LEKR1: variants seen among roughly 807,000 people sequenced by gnomAD.
The protein encoded by LEKR1 is protein LEKR1.
In LEKR1, 59 loss-of-function variants were observed where a neutral mutation model predicts 72.4. That is an observed-to-expected ratio of 0.82 (90% CI 0.66 to 1.01). LEKR1 has a LOEUF of 1.01. Ranked by LOEUF, LEKR1 falls within the 50% of genes least tolerant of loss-of-function variation. LEKR1 has a pLI of 0.00. For synonymous variants in LEKR1, 257 were observed against 263.2 expected, an observed-to-expected ratio of 0.98 and a Z score of 0.23; for missense variants, 728 against 759.2, an observed-to-expected ratio of 0.96 and a Z score of 0.48.
At chr3:156,827,557 G>A (rs981640672) in intron 1 of LEKR1, among the ~76,000 whole-genome samples, 1 of 152,238 alleles carries the variant, frequency 6.6e-6, no homozygotes, top group African/African-American at 2.4e-5. Context: ...CTCCTTGGCT[G>A]TATAAAAGAG....
At chr3:156,963,170 C>G (rs1234590202) in intron 6 of LEKR1, among the ~76,000 whole-genome samples, 1 of 152,146 alleles carries the variant, frequency 6.6e-6, no homozygotes, top group African/African-American at 2.4e-5. Flanking sequence ...TTATTAGGCA[C>G]CTGTCATAAG....
At position 157,024,940 on chromosome 3, in the gene LEKR1, G is replaced by C. The variant is rs1380967925; in HGVS notation, c.1368+16G>C. On this transcript the variant is annotated intron_variant, in intron 11 of 12. Coordinates refer to ENST00000356539, the MANE Select transcript of LEKR1 (RefSeq NM_001004316.3). Reference sequence around the variant, plus strand: ...ACAAATGAAGGTCTGTAATTATGATGTTCATCATTATTTAATAGATTTGAA... The same window carrying C: ...ACAAATGAAGGTCTGTAATTATGATCTTCATCATTATTTAATAGATTTGAA... 1 of 1,514,246 alleles carries C rather than the reference G, an allele frequency of 6.6e-7. No individual in the cohort carries two copies. Among genetic ancestry groups the C allele is most frequent in the South Asian group, 1.2e-5 (1 of 84,134 alleles). 93.8% of individuals were successfully genotyped at this position (1,514,246 alleles called of 1,614,324 possible).
chr3:156,857,633 A>G (rs899610616), intron 3 of LEKR1, among the ~76,000 whole-genome samples: 8 of 152,186 alleles, frequency 5.3e-5, no homozygotes, highest in African/African-American at 1.9e-4. Flanking sequence ...GTTTCCTTTG[A>G]AAATTATGTT....
intron 3 of LEKR1, among the ~76,000 whole-genome samples, chr3:156,884,670 T>C (rs2108554211): frequency 6.6e-6 from 1 of 152,372 alleles, no homozygotes; most frequent in Non-Finnish European, 1.5e-5. Flanking sequence ...TAGGTTTTTC[T>C]TTATAGGTTA....
At chr3:156,929,007 C>G (rs1204161101) in intron 5 of LEKR1, among the ~76,000 whole-genome samples, 1 of 151,722 alleles carries the variant, frequency 6.6e-6, no homozygotes, top group Non-Finnish European at 1.5e-5. Context: ...ATTAGCTAAC[C>G]AGGATTTCAA....
chr3:156,836,815 C>T (rs1713204041), intron 2 of LEKR1, among the ~76,000 whole-genome samples: 3 of 152,142 alleles, frequency 2.0e-5, no homozygotes. Context: ...TGGCAAAAGT[C>T]CCACAAGTAT....
chr3:156,844,596 T>C (rs1199323412), intron 2 of LEKR1, among the ~76,000 whole-genome samples: 3 of 152,178 alleles, frequency 2.0e-5, no homozygotes, highest in Non-Finnish European at 2.9e-5. Context: ...AGGAATGTTA[T>C]ATAAATGGAA....
intron 7 of LEKR1, among the ~76,000 whole-genome samples, chr3:156,987,487 G>A (rs1159205409): frequency 6.6e-6 from 1 of 152,186 alleles, no homozygotes; most frequent in Non-Finnish European, 1.5e-5. Flanking sequence ...TGGTAGGGCT[G>A]CTGAATCTCA....
chr3:156,995,849 T>A (rs1156276637), intron 9 of LEKR1, among the ~76,000 whole-genome samples: 4 of 152,100 alleles, frequency 2.6e-5, no homozygotes, highest in Admixed American at 6.6e-5. Context: ...AATAAATAAA[T>A]TTTTTAAAAA....
At chr3:156,947,044 A>T (rs1726747450) in intron 6 of LEKR1, among the ~76,000 whole-genome samples, 1 of 149,908 alleles carries the variant, frequency 6.7e-6, no homozygotes, top group Non-Finnish European at 1.5e-5. Context: ...AAGGTTTGTT[A>T]ATTTTATCTT....
rs1467739075 is a variant in LEKR1, at chr3:157,024,749, G to A, written c.1204-11G>A. ...AAATAGTTTTACATGTGCTTTAAAT[G>A]CCATTTCTAGATTGAAGCAGAACTT... On this transcript the variant is annotated splice_polypyrimidine_tract_variant and intron_variant, in intron 10 of 12. Transcript: ENST00000356539. The A allele has an allele frequency of 4.4e-6, 7 of 1,591,560 alleles. No individual in the cohort carries two copies. The highest frequency in any genetic ancestry group is 6.0e-6 in the Non-Finnish European group (7 of 1,172,806).
At chr3:157,002,356 A>T (rs921608273) in intron 9 of LEKR1, among the ~76,000 whole-genome samples, 2 of 151,994 alleles carry the variant, frequency 1.3e-5, no homozygotes, top group Admixed American at 1.3e-4. Context: ...TCAACACAAG[A>T]TTGTTTTCTC....
At chr3:156,864,644 A>G (rs907949134) in intron 3 of LEKR1, among the ~76,000 whole-genome samples, 23 of 152,084 alleles carry the variant, frequency 1.5e-4, no homozygotes, top group African/African-American at 5.6e-4. Flanking sequence ...AACATTTCAA[A>G]AAAAGTTCTA....
intron 6 of LEKR1, among the ~76,000 whole-genome samples, chr3:156,972,159 C>T (rs569410019): frequency 6.6e-6 from 1 of 152,114 alleles, no homozygotes; most frequent in South Asian, 2.1e-4. Flanking sequence ...TACTATGCAG[C>T]CATAAAAAAG....
intron 12 of LEKR1, among the ~76,000 whole-genome samples, chr3:157,030,389 A>C (rs1478543270): frequency 6.6e-6 from 1 of 152,192 alleles, no homozygotes; most frequent in African/African-American, 2.4e-5. Flanking sequence ...CACGTGTTAG[A>C]TAGGTACTGG....
chr3:157,034,955 G>A (rs1374678911), intron 12 of LEKR1, among the ~76,000 whole-genome samples: 1 of 152,136 alleles, frequency 6.6e-6, no homozygotes, highest in Non-Finnish European at 1.5e-5. Flanking sequence ...AATTGCTACT[G>A]CCATCCCAAC....
rs372688719 is a variant in LEKR1 at position 157,028,090 on chromosome 3, A to G, written c.1369-13A>G. The G allele has an allele frequency of 1.3e-6, 2 of 1,528,676 alleles. No homozygotes were observed. The highest frequency in any genetic ancestry group is 1.8e-6 in the Non-Finnish European group (2 of 1,135,754). The allele number at this position is 1,528,676 out of a possible 1,614,324, so 94.7% of individuals were successfully genotyped here. ...ACTATCGCCTACAAGCTAATATGAGATTTATCTTACAGATATCTGACTTAA... is the reference window on the plus strand; with the variant it reads ...ACTATCGCCTACAAGCTAATATGAGGTTTATCTTACAGATATCTGACTTAA... On this transcript the variant is annotated splice_polypyrimidine_tract_variant and intron_variant, in intron 11 of 12. Transcript: ENST00000356539.
At chr3:157,029,700 C>T (rs1488062777) in intron 12 of LEKR1, among the ~76,000 whole-genome samples, 2 of 152,088 alleles carry the variant, frequency 1.3e-5, no homozygotes, top group Admixed American at 6.6e-5. Context: ...AGGGAGAGCA[C>T]ACGTGGACTT....
At chr3:156,834,277 A>G (rs922435292) in intron 2 of LEKR1, among the ~76,000 whole-genome samples, 1 of 152,200 alleles carries the variant, frequency 6.6e-6, no homozygotes, top group Non-Finnish European at 1.5e-5. Context: ...TTTAATTTAT[A>G]GAAAAACTAA....
Sources: allele counts gnomAD v4.1 joint callset (sites outside exome capture counted in the v4.1 genomes callset), GRCh38; gene constraint gnomAD v4.1.1; transcripts MANE v1.5; gene names NCBI Gene and HGNC (gene_info 2026-07-23, HGNC 2026-07-21).